Variants in ORC4 observed in about 807,000 individuals in gnomAD.
The protein encoded by ORC4 is origin recognition complex, subunit 4 homolog.
A neutral mutation model predicts 63.9 loss-of-function variants in ORC4; 55 were observed. The observed-to-expected ratio is 0.86, with a 90% CI of 0.69 to 1.08. ORC4 has a LOEUF of 1.08. ORC4 is among the 50% of genes least tolerant of loss of function. ORC4 has a pLI of 0.00. For synonymous variants in ORC4, 150 were observed against 168.5 expected, an observed-to-expected ratio of 0.89 and a Z score of 0.85; for missense variants, 511 against 504.4, an observed-to-expected ratio of 1.01 and a Z score of -0.13.
Position 148,015,088 on chromosome 2 carries a change from C to A in ORC4, c.-18+5545G>T, listed in dbSNP as rs566202089. On this transcript the variant is annotated intron_variant, in intron 1 of 13. Transcript: ENST00000392857. Reference sequence around the variant, plus strand: ...ACACGATGATTGAACATTTCCTCTACCCCCACAACCACACTTGACTAGGAG... The same window carrying A: ...ACACGATGATTGAACATTTCCTCTAACCCCACAACCACACTTGACTAGGAG... Among the ~76,000 whole-genome samples, 5 of 149,596 alleles carry A rather than the reference C, an allele frequency of 3.3e-5. No homozygotes were observed. The East Asian group carries it at 9.7e-4, about 29-fold the overall frequency.
chr2:147,953,275 A>G (rs17225514), intron 7 of ORC4, among the ~76,000 whole-genome samples: 518 of 152,274 alleles, frequency 3.4e-3, no homozygotes, highest in East Asian at 8.3e-3. Flanking sequence ...ATTGTATTCT[A>G]GCCTGGGCAA....
At chr2:147,970,501 A>G (rs1690149915) in intron 4 of ORC4, among the ~76,000 whole-genome samples, 1 of 152,126 alleles carries the variant, frequency 6.6e-6, no homozygotes, top group African/African-American at 2.4e-5. Context: ...GCAAGGGAAT[A>G]GAAAGAGAAC....
intron 6 of ORC4, among the ~76,000 whole-genome samples, chr2:147,957,649 T>C (rs1176644627): frequency 1.3e-5 from 2 of 152,202 alleles, no homozygotes; most frequent in African/African-American, 4.8e-5. Flanking sequence ...TAATGAAGTA[T>C]GAATAAATTT....
At chr2:148,010,589 T>C (rs1478754348) in intron 1 of ORC4, among the ~76,000 whole-genome samples, 5 of 152,010 alleles carry the variant, frequency 3.3e-5, no homozygotes, top group Admixed American at 1.3e-4. Context: ...TTGTAAAACC[T>C]AGAAGAAACG....
At chr2:148,015,650 T>C (rs1475433360) in intron 1 of ORC4, among the ~76,000 whole-genome samples, 3 of 151,096 alleles carry the variant, frequency 2.0e-5, no homozygotes, top group East Asian at 1.9e-4. Flanking sequence ...TTATGTTATA[T>C]GTCATTTTAA....
intron 1 of ORC4, among the ~76,000 whole-genome samples, chr2:148,017,679 G>T (rs773384540): frequency 3.3e-5 from 5 of 152,088 alleles, no homozygotes; most frequent in Non-Finnish European, 7.4e-5. Context: ...CTCCAGGGGG[G>T]AAAAAATCTC....
At chr2:147,972,178 T>A (rs537633188) in intron 4 of ORC4, among the ~76,000 whole-genome samples, 1 of 152,148 alleles carries the variant, frequency 6.6e-6, no homozygotes, top group East Asian at 1.9e-4. Flanking sequence ...TTGAGGTAAC[T>A]AAGCAAATAT....
At chr2:147,993,072 G>A (rs918953987) in intron 1 of ORC4, among the ~76,000 whole-genome samples, 4 of 152,138 alleles carry the variant, frequency 2.6e-5, no homozygotes, top group African/African-American at 9.7e-5. Context: ...CAGACAGGCA[G>A]GCCTTGCTGG....
At chr2:148,001,402 A>G (rs1573882322) in intron 1 of ORC4, among the ~76,000 whole-genome samples, 1 of 152,096 alleles carries the variant, frequency 6.6e-6, no homozygotes, top group African/African-American at 2.4e-5. Flanking sequence ...CAGACTAACA[A>G]CGGATCTCTC....
At chr2:147,960,864 G>A (rs937031677) in intron 4 of ORC4, among the ~76,000 whole-genome samples, 1 of 152,138 alleles carries the variant, frequency 6.6e-6, no homozygotes, top group Non-Finnish European at 1.5e-5. Context: ...GCGCCAGCAT[G>A]GGTGACAGAG....
At chr2:148,018,067 A>C (rs983633571) in intron 1 of ORC4, among the ~76,000 whole-genome samples, 1 of 152,246 alleles carries the variant, frequency 6.6e-6, no homozygotes, top group Non-Finnish European at 1.5e-5. Flanking sequence ...GAAATCCCTG[A>C]GTAAAACAGA....
At position 147,939,157 on chromosome 2, in the gene ORC4, T is replaced by C; in HGVS notation, c.941A>G (p.Lys314Arg). 1 of 1,607,450 alleles carries C rather than the reference T, an allele frequency of 6.2e-7. No homozygotes were observed. The highest frequency in any genetic ancestry group is 8.5e-7 in the Non-Finnish European group (1 of 1,174,046). The part of the protein sequence containing the change: ...EASQLCSMDS[K>R]ANIVHGLSVL... ...GTTCTCACCATGTACAATATTTGCT[T>C]TCGAGTCCATGCTACACAGTTGGCT... is the stretch of plus-strand genomic sequence containing the variant. The change falls in exon 11 of 14, where the codon AAA becomes AGA. Residue 314 changes from lysine (K) to arginine (R), a missense_variant. Lys to Arg is a conservative substitution (Grantham distance 26). Coordinates refer to ENST00000392857, the MANE Select transcript of ORC4 (RefSeq NM_181741.4).
Position 147,980,909 on chromosome 2 carries a change from T to C in ORC4, c.-17-4934A>G, listed in dbSNP as rs79239796. On this transcript the variant is annotated intron_variant, in intron 1 of 13. Transcript: ENST00000392857. ...AAATGAAATCAATATGTCAAAGATA[T>C]ATCCTCACTCCCATATACACTCCAG... Among the ~76,000 whole-genome samples, 5 of 152,286 alleles carry C rather than the reference T, an allele frequency of 3.3e-5. No individual in the cohort carries two copies. The East Asian group carries it at 5.8e-4, about 18-fold the overall frequency.
At chr2:147,999,415 C>A (rs966105823) in intron 1 of ORC4, among the ~76,000 whole-genome samples, 1 of 152,016 alleles carries the variant, frequency 6.6e-6, no homozygotes, top group Non-Finnish European at 1.5e-5. Context: ...AGACTTATAC[C>A]CTAAAGCAGG....
At chr2:147,938,528 A>G (rs1688187596) in intron 11 of ORC4, 135 bp from the exon 12 acceptor site, 2 of 640,664 alleles carry the variant, frequency 3.1e-6, no homozygotes, top group Non-Finnish European at 2.8e-6. Context: ...CTAGATTTCA[A>G]TGTGTTTCAA....
At chr2:148,006,476 G>A (rs62169550) in intron 1 of ORC4, among the ~76,000 whole-genome samples, 20,653 of 152,126 alleles carry the variant, frequency 0.14, 1,707 homozygotes, top group Middle Eastern at 0.21. Flanking sequence ...AATACCACCC[G>A]TGGCAGCTAA....
At position 147,978,669 on chromosome 2, in the gene ORC4, G is replaced by A. The variant is rs145710442; in HGVS notation, c.-17-2694C>T. 1.7e-3 allele frequency among the ~76,000 whole-genome samples: 255 copies of A among 152,154 alleles called. 1 individual carries two copies. Among genetic ancestry groups the A allele is most frequent in the African/African-American group, 5.6e-3 (233 of 41,510 alleles). On this transcript the variant is annotated intron_variant, in intron 1 of 13. Coordinates refer to ENST00000392857, the MANE Select transcript of ORC4 (RefSeq NM_181741.4). Reference sequence around the variant, plus strand: ...CCCAGGCCTCTTGGTGAACAGTTTCGGTAGCAGGCCAATATCCTTGATGAA... The same window carrying A: ...CCCAGGCCTCTTGGTGAACAGTTTCAGTAGCAGGCCAATATCCTTGATGAA...
At chr2:147,937,498 C>T (rs1395983063) in intron 13 of ORC4, among the ~76,000 whole-genome samples, 2 of 152,102 alleles carry the variant, frequency 1.3e-5, no homozygotes, top group African/African-American at 2.4e-5. Context: ...ATATAATGTA[C>T]ACCAAATGTT....
intron 11 of ORC4, 82 bp downstream of exon 11, chr2:147,939,058 T>C: frequency 4.7e-6 from 4 of 856,060 alleles, no homozygotes; most frequent in Non-Finnish European, 8.0e-6. Context: ...ATGCCCACGT[T>C]AATTGTAATT....
Sources: allele counts gnomAD v4.1 joint callset (sites outside exome capture counted in the v4.1 genomes callset), GRCh38; gene constraint gnomAD v4.1.1; transcripts MANE v1.5; gene names NCBI Gene and HGNC (gene_info 2026-07-23, HGNC 2026-07-21).